Variants in ADGRE2 observed in about 807,000 individuals in gnomAD.
ADGRE2 encodes adhesion G protein-coupled receptor E2, also known as CD97 antigen.
ADGRE2 carries 83 observed loss-of-function variants against 100.8 expected under a neutral mutation model. The observed-to-expected ratio is 0.82, with a 90% CI of 0.69 to 0.99. The LOEUF (loss-of-function observed/expected upper bound fraction) is 0.99, where lower values mean the gene tolerates loss of function less well. ADGRE2 is among the 50% of genes least tolerant of loss of function. ADGRE2 has a pLI of 0.00. For synonymous variants in ADGRE2, 355 were observed against 413.0 expected, an observed-to-expected ratio of 0.86 and a Z score of 1.70; for missense variants, 814 against 1,035.7, an observed-to-expected ratio of 0.79 and a Z score of 2.94.
At chr19:14,726,672 C>G in the ADGRE2 span, among the ~76,000 whole-genome samples, 694 of 152,274 alleles carry the variant, frequency 4.6e-3, 10 homozygotes, top group African/African-American at 0.016. Flanking sequence ...GTTCAAACTT[C>G]CCGAAAGCCT....
intron 13 of ADGRE2, among the ~76,000 whole-genome samples, 163 bp from the exon 14 acceptor site, chr19:14,755,290 A>ACC (rs1568599128): frequency 3.2e-5 from 1 of 31,338 alleles, no homozygotes; most frequent in Admixed American, 2.4e-4. Context: ...AAAAAAAAAA[A>ACC]AAAAATACAA....
In ADGRE2 at chr19:14,735,105, G is replaced by A. The variant is rs574760130; in HGVS notation, c.*1131C>T. The A allele has an allele frequency of 6.6e-4, 100 of 152,302 alleles. No homozygotes were observed. The highest frequency in any genetic ancestry group is 6.8e-3 in the Middle Eastern group (2 of 294). The allele number at this position is 152,302 out of a possible 1,614,324, so 9.4% of individuals were successfully genotyped here. On this transcript the variant is annotated 3_prime_UTR_variant, in exon 21 of 21. Coordinates refer to ENST00000315576, the MANE Select transcript of ADGRE2 (RefSeq NM_013447.4). ...GCTTGCTTGTCTATGTCTGCAGCTC[G>A]ATTTTACAGGCTGTTCTTTGTTAGA...
intron 16 of ADGRE2, among the ~76,000 whole-genome samples, chr19:14,750,986 T>A (rs551211693): frequency 1.3e-5 from 2 of 152,204 alleles, no homozygotes; most frequent in South Asian, 2.1e-4. Context: ...GCTAATTTTT[T>A]AAATTTTGTA....
chr19:14,759,067 T>G (rs755533620), intron 11 of ADGRE2, among the ~76,000 whole-genome samples: 11 of 152,050 alleles, frequency 7.2e-5, no homozygotes, highest in Admixed American at 1.3e-4. Context: ...ACATACAGCA[T>G]GAAGAAACTG....
At chr19:14,738,964 CTTTTCTTTT>C (rs1226371919) in intron 20 of ADGRE2, among the ~76,000 whole-genome samples, 14 of 131,286 alleles carry the variant, frequency 1.1e-4, no homozygotes, top group Admixed American at 3.0e-4. Context: ...CTTTTCTTTT[CTTTTCTTTT>C]TTTTTTTTTT....
At chr19:14,748,624 T>C (rs1465892225) in intron 16 of ADGRE2, among the ~76,000 whole-genome samples, 1 of 152,228 alleles carries the variant, frequency 6.6e-6, no homozygotes, top group Non-Finnish European at 1.5e-5. Flanking sequence ...TTATTCTTTA[T>C]GGCTGCATCA....
rs60789454 is a variant in ADGRE2, at chr19:14,759,503, A to ATATATATATTT, written c.1085-3159_1085-3158insAAATATATATA. ...ATAAGTTATACATATATATATATAT[A>ATATATATATTT]TTTTTTTTTTTTAGACGGAGTCTCA... On this transcript the variant is annotated intron_variant, in intron 11 of 20. Transcript: ENST00000315576. 3.0e-3 allele frequency among the ~76,000 whole-genome samples: 400 copies of ATATATATATTT among 133,344 alleles called. 2 individuals are homozygous for ATATATATATTT. The highest frequency in any genetic ancestry group is 7.1e-3 in the East Asian group (32 of 4,516). 87.5% of individuals were successfully genotyped at this position (133,344 alleles called of 152,430 possible). A position where few individuals can be genotyped will look rare whatever the true frequency, so the allele number is the denominator to read the frequency against.
chr19:14,727,024 CTTTTTTTTTTTTT>C, the ADGRE2 span, among the ~76,000 whole-genome samples: 1 of 70,098 alleles, frequency 1.4e-5, no homozygotes, highest in Non-Finnish European at 2.5e-5. Flanking sequence ...AGAAAAGAGG[CTTTTTTTTTTTTT>C]TTTTTTTTTT....
chr19:14,752,289 C>T (rs769543174), intron 15 of ADGRE2, 40 bp downstream of exon 15: 17 of 1,610,002 alleles, frequency 1.1e-5, no homozygotes, highest in African/African-American at 1.3e-5. Flanking sequence ...GCGTGTCCTG[C>T]GTCAAGGAAG....
chr19:14,758,053 C>T (rs954381884), intron 11 of ADGRE2, among the ~76,000 whole-genome samples: 7 of 152,176 alleles, frequency 4.6e-5, no homozygotes, highest in Admixed American at 1.3e-4. Context: ...TCAGGTGATC[C>T]GCCCACATTG....
intron 16 of ADGRE2, among the ~76,000 whole-genome samples, chr19:14,749,410 TA>T (rs2043195417): frequency 8.1e-6 from 1 of 124,182 alleles, no homozygotes; most frequent in African/African-American, 2.8e-5. Flanking sequence ...TAATTATTTA[TA>T]GTTATATAAT....
chr19:14,755,809 G>A lies in ADGRE2; in HGVS notation c.1261C>T (p.Leu421=). The A allele has an allele frequency of 6.2e-7, 1 of 1,614,226 alleles. No individual in the cohort carries two copies. The highest frequency in any genetic ancestry group is 8.5e-7 in the Non-Finnish European group (1 of 1,180,040). Residue 421 remains leucine (L), a synonymous_variant, in exon 13 of 21, where the codon CTG becomes TTG. Coordinates refer to ENST00000315576, the MANE Select transcript of ADGRE2 (RefSeq NM_013447.4). ...GKLLAEAPLV[L]EPEKQMLLHE... Reference sequence around the variant, plus strand: ...AGAAGCATCTGCTTCTCAGGTTCCAGGACCAGAGGGGCCTCAGCCAGCAAC... The same window carrying A: ...AGAAGCATCTGCTTCTCAGGTTCCAAGACCAGAGGGGCCTCAGCCAGCAAC...
At chr19:14,770,962 G>C (rs1381018039) in intron 5 of ADGRE2, among the ~76,000 whole-genome samples, 2 of 152,104 alleles carry the variant, frequency 1.3e-5, no homozygotes, top group Non-Finnish European at 2.9e-5. Context: ...TTACAGGCGT[G>C]AGCCACTGTG....
At chr19:14,753,860 G>C (rs976594232) in intron 14 of ADGRE2, among the ~76,000 whole-genome samples, 2 of 151,910 alleles carry the variant, frequency 1.3e-5, no homozygotes, top group African/African-American at 2.4e-5. Flanking sequence ...TAAGCTCTGG[G>C]CTCTTCCTGG....
rs144135027 is a variant in ADGRE2, at chr19:14,761,209, C to T, written c.1084+3224G>A. Among the ~76,000 whole-genome samples the T allele has an allele frequency of 3.4e-3, 517 of 152,334 alleles. 2 individuals are homozygous for T. Among genetic ancestry groups the T allele is most frequent in the African/African-American group, 0.011 (464 of 41,576 alleles). On this transcript the variant is annotated intron_variant, in intron 11 of 20. Coordinates refer to ENST00000315576, the MANE Select transcript of ADGRE2 (RefSeq NM_013447.4). ...ACGAGGTCAGGACATCAAGACCATC[C>T]TGGTTAACATGGCGAAACCCTGTCT...
At chr19:14,725,184 T>G in the ADGRE2 span, among the ~76,000 whole-genome samples, 23 of 152,056 alleles carry the variant, frequency 1.5e-4, no homozygotes, top group African/African-American at 5.6e-4. Flanking sequence ...CATGCTCTTT[T>G]AAACAACCAG....
At chr19:14,755,610 G>T in intron 13 of ADGRE2, 44 bp downstream of exon 13, 2 of 1,550,158 alleles carry the variant, frequency 1.3e-6, no homozygotes, top group South Asian at 1.1e-5. Context: ...GGCTATGCCC[G>T]GACTCAGACT....
the ADGRE2 span, among the ~76,000 whole-genome samples, chr19:14,726,226 G>A: frequency 3.3e-5 from 5 of 152,286 alleles, no homozygotes; most frequent in African/African-American, 1.2e-4. Flanking sequence ...CGTGGAGAAT[G>A]GTGTCCAAAG....
chr19:14,740,535 C>T (rs1359352268), intron 20 of ADGRE2, among the ~76,000 whole-genome samples: 1 of 150,046 alleles, frequency 6.7e-6, no homozygotes, highest in Non-Finnish European at 1.5e-5. Context: ...GCAGGAGAAT[C>T]GCTTTAACCC....
Sources: allele counts gnomAD v4.1 joint callset (sites outside exome capture counted in the v4.1 genomes callset), GRCh38; gene constraint gnomAD v4.1.1; transcripts MANE v1.5; gene names NCBI Gene and HGNC (gene_info 2026-07-23, HGNC 2026-07-21).